The following ZFHX3 variants were observed in gnomAD, a reference collection of about 807,000 sequenced individuals.
ZFHX3 encodes zinc finger homeobox protein 3.
ZFHX3 carries 42 observed loss-of-function variants against 279.1 expected under a neutral mutation model. The ratio of observed to expected loss-of-function variants is 0.15; its 90% CI spans 0.12 to 0.19. The LOEUF (loss-of-function observed/expected upper bound fraction) is 0.19, where lower values mean the gene tolerates loss of function less well. ZFHX3 is among the 10% of genes least tolerant of loss of function. ZFHX3 has a pLI of 1.00. For missense variants in ZFHX3, 4,981 were observed against 4,754.0 expected (o/e 1.05, Z -1.40); for synonymous variants, 2,293 against 1,957.8 (o/e 1.17, Z -4.52).
At chr16:72,892,302 C>T (rs762128462) in intron 3 of ZFHX3, among the ~76,000 whole-genome samples, 2 of 152,144 alleles carry the variant, frequency 1.3e-5, no homozygotes, top group African/African-American at 2.4e-5. Context: ...TCACAGGCAC[C>T]AAGAAAGAAC....
intron 5 of ZFHX3, among the ~76,000 whole-genome samples, chr16:72,819,444 G>C (rs1301525847): frequency 6.6e-6 from 1 of 152,184 alleles, no homozygotes; most frequent in African/African-American, 2.4e-5. Context: ...AGACTCCCGG[G>C]CAGGGCTCAT....
At chr16:73,738,696 T>C (rs1315267539) in intron 1 of ZFHX3, among the ~76,000 whole-genome samples, 1 of 152,154 alleles carries the variant, frequency 6.6e-6, no homozygotes, top group African/African-American at 2.4e-5. Context: ...CTCGTGAAGG[T>C]TGCTCAAAGA....
At chr16:73,051,957 C>A (rs1198274935), upstream of ZFHX3, among the ~76,000 whole-genome samples, 1 of 152,154 alleles carries the variant, frequency 6.6e-6, no homozygotes, top group African/African-American at 2.4e-5. Context: ...CGGACAGATG[C>A]TTAAGGACAG....
intron 1 of ZFHX3, among the ~76,000 whole-genome samples, chr16:72,982,387 G>T (rs1191177877): frequency 1.3e-5 from 2 of 152,164 alleles, no homozygotes; most frequent in Non-Finnish European, 2.9e-5. Context: ...CTACTGTGGT[G>T]CTCTTGGCTC....
At chr16:73,070,916 G>A (rs1195555901) in intron 8 of ZFHX3, among the ~76,000 whole-genome samples, 10 of 83,862 alleles carry the variant, frequency 1.2e-4, no homozygotes, top group African/African-American at 6.0e-4. Context: ...AGACCGTCTT[G>A]CGCGCGCGCG....
chr16:73,216,487 CTG>C (rs938378279), intron 5 of ZFHX3, among the ~76,000 whole-genome samples: 13 of 152,326 alleles, frequency 8.5e-5, no homozygotes, highest in Admixed American at 8.5e-4. Context: ...CCTCAAAAGA[CTG>C]TGAACTCCAA....
At chr16:72,812,946 G>A (rs1325086956) in intron 5 of ZFHX3, among the ~76,000 whole-genome samples, 1 of 152,148 alleles carries the variant, frequency 6.6e-6, no homozygotes, top group Non-Finnish European at 1.5e-5. Flanking sequence ...GTTAGGCTCA[G>A]GGTTTATAGT....
chr16:73,129,379 G>GACACACAC (rs59666622), intron 7 of ZFHX3, among the ~76,000 whole-genome samples: 8,636 of 137,808 alleles, frequency 0.063, 398 homozygotes, highest in African/African-American at 0.12. Flanking sequence ...CAGAGACTCT[G>GACACACAC]ACACACACAC....
At chr16:73,275,896 G>A (rs1272505543) in intron 4 of ZFHX3, among the ~76,000 whole-genome samples, 1 of 152,106 alleles carries the variant, frequency 6.6e-6, no homozygotes, top group Admixed American at 6.5e-5. Context: ...TTTTTGCTTA[G>A]CCTTACAGTG....
chr16:73,891,027 C>T (rs914688834), intron 1 of ZFHX3, among the ~76,000 whole-genome samples: 6 of 150,616 alleles, frequency 4.0e-5, no homozygotes, highest in Non-Finnish European at 8.9e-5. Context: ...CCGCTCCCCC[C>T]CTCCACCTCA....
intron 5 of ZFHX3, among the ~76,000 whole-genome samples, chr16:73,245,241 T>C (rs985843083): frequency 6.6e-6 from 1 of 152,234 alleles, no homozygotes; most frequent in East Asian, 1.9e-4. Context: ...CTATATTTTA[T>C]TCATCTTCAC....
intron 1 of ZFHX3, among the ~76,000 whole-genome samples, chr16:73,815,093 C>T (rs1318029793): frequency 6.6e-6 from 1 of 152,194 alleles, no homozygotes; most frequent in Non-Finnish European, 1.5e-5. Context: ...ATGTGCAAAG[C>T]ACTTAACCCA....
chr16:73,650,832 G>T (rs767275864), intron 2 of ZFHX3, among the ~76,000 whole-genome samples: 4 of 152,142 alleles, frequency 2.6e-5, no homozygotes, highest in Non-Finnish European at 4.4e-5. Context: ...CCCACAGATA[G>T]TGATTTTCAA....
At chr16:73,754,204 G>A (rs2142273494) in intron 1 of ZFHX3, among the ~76,000 whole-genome samples, 1 of 152,194 alleles carries the variant, frequency 6.6e-6, no homozygotes, top group South Asian at 2.1e-4. Context: ...CGAGCTACAA[G>A]TATTTCTACT....
intron 1 of ZFHX3, among the ~76,000 whole-genome samples, chr16:73,788,976 A>G (rs1959744333): frequency 6.6e-6 from 1 of 151,124 alleles, no homozygotes; most frequent in Non-Finnish European, 1.5e-5. Flanking sequence ...AGTAGCGGTA[A>G]AAATAACAAT....
chr16:73,652,036 A>G (rs1017972548), intron 2 of ZFHX3, among the ~76,000 whole-genome samples: 4 of 152,198 alleles, frequency 2.6e-5, no homozygotes, highest in African/African-American at 9.6e-5. Context: ...CAGGGACAGG[A>G]TAGACCCTCA....
rs1486179958 is a variant in ZFHX3, at chr16:73,344,321, C to A, written c.-1290-25985G>T. On this transcript the variant is annotated intron_variant, in intron 3 of 17. Transcript: ENST00000641206. ...CATCAGACAAACCCAAATTGAGTAACCTTCTACAAAATAAATGGTCTGTAC... is the reference window on the plus strand; with the variant it reads ...CATCAGACAAACCCAAATTGAGTAAACTTCTACAAAATAAATGGTCTGTAC... Among the ~76,000 whole-genome samples, 8 of 152,184 alleles carry A rather than the reference C, an allele frequency of 5.3e-5. No homozygotes were observed. In the East Asian group the frequency reaches 1.5e-3, roughly 29 times the overall value.
At chr16:73,502,146 G>C (rs1364224128) in intron 2 of ZFHX3, among the ~76,000 whole-genome samples, 1 of 152,084 alleles carries the variant, frequency 6.6e-6, no homozygotes, top group East Asian at 1.9e-4. Context: ...AAACATGTTA[G>C]GCCATCTTGA....
intron 5 of ZFHX3, among the ~76,000 whole-genome samples, chr16:72,818,081 A>G (rs915280211): frequency 6.6e-6 from 1 of 152,218 alleles, no homozygotes; most frequent in African/African-American, 2.4e-5. Flanking sequence ...TTGACTAGCG[A>G]AAAAAGAAAT....
Sources: allele counts gnomAD v4.1 joint callset (sites outside exome capture counted in the v4.1 genomes callset), GRCh38; gene constraint gnomAD v4.1.1; transcripts MANE v1.5; gene names NCBI Gene and HGNC (gene_info 2026-07-23, HGNC 2026-07-21).